VDAC3: variants seen among roughly 807,000 people sequenced by gnomAD.
VDAC3 encodes the protein non-selective voltage-gated ion channel VDAC3.
A neutral mutation model predicts 33.9 loss-of-function variants in VDAC3; 7 were observed. The ratio of observed to expected loss-of-function variants is 0.21; its 90% CI spans 0.12 to 0.39. The LOEUF (loss-of-function observed/expected upper bound fraction) is 0.39. VDAC3 is among the 10% of genes least tolerant of loss of function. The pLI, the probability that VDAC3 is intolerant of heterozygous loss-of-function variation, is 1.00. For synonymous variants in VDAC3, 100 were observed against 122.4 expected, an observed-to-expected ratio of 0.82 and a Z score of 1.21; for missense variants, 261 against 334.5, an observed-to-expected ratio of 0.78 and a Z score of 1.71.
rs758664665 is a variant in VDAC3 at position 42,401,850 on chromosome 8, T to C, written c.386T>C (p.Val129Ala). The stretch of plus-strand genomic sequence containing the variant: ...GATTGTTTTAGTGTTGGCAGTAATG[T>C]TGATATAGATTTTTCTGGACCAACC... ...KRDCFSVGSN[V>A]DIDFSGPTIY... Residue 129 changes from valine (V) to alanine (A), a missense_variant, in exon 7 of 10, where the codon GTT becomes GCT. Coordinates refer to ENST00000022615, the MANE Select transcript of VDAC3 (RefSeq NM_005662.7). 6.2e-6 allele frequency: 10 copies of C among 1,614,196 alleles called. No individual in the cohort carries two copies. In the East Asian group the frequency reaches 2.0e-4, roughly 32 times the overall value.
At position 42,399,727 on chromosome 8, in the gene VDAC3, T is replaced by G. The variant is rs1802383225; in HGVS notation, c.323+24T>G. 2.5e-6 allele frequency: 4 copies of G among 1,609,050 alleles called. No individual in the cohort carries two copies. In the African/African-American group the frequency reaches 5.3e-5, roughly 21 times the overall value. On this transcript the variant is annotated intron_variant, in intron 6 of 9. Coordinates refer to ENST00000022615, the MANE Select transcript of VDAC3 (RefSeq NM_005662.7). ...GGGTAATTATTCAAATCCCATTTCCTGAAACGTTTTTGGAGCCTGAAAGGG... is the reference window on the plus strand; with the variant it reads ...GGGTAATTATTCAAATCCCATTTCCGGAAACGTTTTTGGAGCCTGAAAGGG...
intron 2 of VDAC3, 35 bp from the exon 3 acceptor site, chr8:42,394,175 T>A (rs1802257306): frequency 3.8e-6 from 6 of 1,578,348 alleles, no homozygotes; most frequent in Non-Finnish European, 5.2e-6. Flanking sequence ...ACTAAATGGT[T>A]ATTTTTATTC....
At chr8:42,405,005 GT>G (rs1802475628) in intron 9 of VDAC3, 81 bp downstream of exon 9, 4 of 1,279,828 alleles carry the variant, frequency 3.1e-6, no homozygotes, top group Middle Eastern at 2.0e-4. Flanking sequence ...AGAACAACCT[GT>G]AGTCACTGTA....
Position 42,401,902 on chromosome 8 carries a change from C to G in VDAC3, c.438C>G (p.Phe146Leu), listed in dbSNP as rs771711393. The G allele has an allele frequency of 9.3e-6, 15 of 1,614,076 alleles. No homozygotes were observed. Among genetic ancestry groups the G allele is most frequent in the African/African-American group, 2.7e-5 (2 of 74,922 alleles). The change falls in exon 7 of 10, where the codon TTC (phenylalanine) becomes TTG (leucine). Residue 146 changes from phenylalanine to leucine, a missense_variant. Coordinates refer to ENST00000022615, the MANE Select transcript of VDAC3 (RefSeq NM_005662.7). ...PTIYGWAVLA[F>L]EGWLAGYQMS... ...TCTATGGCTGGGCTGTGTTGGCCTT[C>G]GAAGGGTGGCTTGCTGGCTATCAGA...
chr8:42,396,623 C>A, intron 4 of VDAC3: 1 of 679,944 alleles, frequency 1.5e-6, no homozygotes, highest in South Asian at 1.6e-5. Flanking sequence ...CAAAAATTAT[C>A]AACTAAAATT....
chr8:42,398,949 A>G, intron 5 of VDAC3, 85 bp downstream of exon 5: 1 of 1,497,024 alleles, frequency 6.7e-7, no homozygotes, highest in Non-Finnish European at 9.1e-7. Flanking sequence ...TAATCAAAAG[A>G]GATCTTACAA....
At chr8:42,396,218 A>G (rs1189329611) in intron 4 of VDAC3, among the ~76,000 whole-genome samples, 1 of 152,296 alleles carries the variant, frequency 6.6e-6, no homozygotes, top group East Asian at 1.9e-4. Context: ...AGATCGTGCC[A>G]CTGTACTCCA....
At chr8:42,398,888 T>C in intron 5 of VDAC3, 24 bp downstream of exon 5, 1 of 1,610,072 alleles carries the variant, frequency 6.2e-7, no homozygotes, top group Non-Finnish European at 8.5e-7. Context: ...TTAGAAGTTA[T>C]TCATAGGTTC....
Position 42,395,098 on chromosome 8 carries a change from A to C in VDAC3, c.82A>C (p.Lys28Gln). ...FNKGYGFGMVKIDLKTKSCSG... is the reference protein window; with the variant it reads ...FNKGYGFGMVQIDLKTKSCSG... The stretch of plus-strand genomic sequence containing the variant: ...TGTGTGTATAGGCTTTGGCATGGTC[A>C]AGATAGACCTGAAAACCAAGTCTTG... Residue 28 changes from lysine (K) to glutamine (Q), a missense_variant, in exon 4 of 10, where the codon AAG (lysine) becomes CAG (glutamine). Physicochemically the swap from Lys to Gln is moderately conservative, Grantham distance 53 (BLOSUM62 1). Coordinates refer to ENST00000022615, the MANE Select transcript of VDAC3 (RefSeq NM_005662.7). The C allele has an allele frequency of 2.5e-6, 4 of 1,613,972 alleles. No homozygotes were observed. Among genetic ancestry groups the C allele is most frequent in the Non-Finnish European group, 3.4e-6 (4 of 1,179,968 alleles).
chr8:42,394,114 T>A, intron 2 of VDAC3, 96 bp from the exon 3 acceptor site: 2 of 1,073,148 alleles, frequency 1.9e-6, no homozygotes, highest in South Asian at 2.5e-5. Flanking sequence ...GAGAAAACTG[T>A]ATACCCCTTC....
At position 42,393,946 on chromosome 8, in the gene VDAC3, A is replaced by G. The variant is rs1187402513; in HGVS notation, c.-3+62A>G. 4 of 474,242 alleles carry G rather than the reference A, an allele frequency of 8.4e-6. No individual in the cohort carries two copies. The East Asian group carries it at 9.6e-5, about 11-fold the overall frequency. 29.4% of individuals were successfully genotyped at this position (474,242 alleles called of 1,614,324 possible). On this transcript the variant is annotated intron_variant, in intron 2 of 9. Transcript: ENST00000022615. ...TAACATAGCATCTTTTTCATCCTGT[A>G]AGAACTTACTTTTCTTTGAAATGCA... is the stretch of plus-strand genomic sequence containing the variant.
At position 42,394,982 on chromosome 8, in the gene VDAC3, A is replaced by T. The variant is rs59791694; in HGVS notation, c.68-102A>T. Reference sequence around the variant, plus strand: ...CCAATGAAAATACTATGCATTTTTCATATGGAAGGTACTATAGGCTATTTC... The same window carrying T: ...CCAATGAAAATACTATGCATTTTTCTTATGGAAGGTACTATAGGCTATTTC... On this transcript the variant is annotated intron_variant, in intron 3 of 9. Transcript: ENST00000022615. 10 of 1,327,904 alleles carry T rather than the reference A, an allele frequency of 7.5e-6. No individual in the cohort carries two copies. In the African/African-American group the frequency reaches 1.0e-4, roughly 14 times the overall value. The allele number at this position is 1,327,904 out of a possible 1,614,324, so 82.3% of individuals were successfully genotyped here.
intron 8 of VDAC3, 94 bp downstream of exon 8, chr8:42,403,555 T>G (rs1397727813): frequency 5.4e-6 from 7 of 1,298,456 alleles, no homozygotes; most frequent in Admixed American, 2.5e-5. Flanking sequence ...TTGTTCTTTA[T>G]TAATTTTAAT....
Position 42,394,176 on chromosome 8 carries a change from A to G in VDAC3, c.-2-34A>G, listed in dbSNP as rs749375229. ...GTGGGTGAATAAATACTAAATGGTT[A>G]TTTTTATTCCTTTGCCCTGTTTTTC... On this transcript the variant is annotated intron_variant, in intron 2 of 9. Coordinates refer to ENST00000022615, the MANE Select transcript of VDAC3 (RefSeq NM_005662.7). 7 of 1,581,260 alleles carry G rather than the reference A, an allele frequency of 4.4e-6. No homozygotes were observed. The Admixed American group carries it at 5.0e-5, about 11-fold the overall frequency.
intron 4 of VDAC3, among the ~76,000 whole-genome samples, chr8:42,397,882 A>C (rs989886745): frequency 1.7e-4 from 26 of 152,350 alleles, no homozygotes; most frequent in Middle Eastern, 3.4e-3. Context: ...GACTGTACTT[A>C]ATGCCACTTC....
chr8:42,404,998 A>C, intron 9 of VDAC3, 74 bp downstream of exon 9: 5 of 1,360,178 alleles, frequency 3.7e-6, no homozygotes, highest in African/African-American at 1.4e-5. Context: ...AACCTGCAGA[A>C]CAACCTGTAG....
rs180910295 is a variant in VDAC3 at position 42,403,285 on chromosome 8, T to A, written c.552-26T>A. ...AACAATGGTACAAACTAGATATTTATGACGTTTTCTTATCTATGAAAACAG... is the reference window on the plus strand; with the variant it reads ...AACAATGGTACAAACTAGATATTTAAGACGTTTTCTTATCTATGAAAACAG... On this transcript the variant is annotated intron_variant, in intron 7 of 9. Coordinates refer to ENST00000022615, the MANE Select transcript of VDAC3 (RefSeq NM_005662.7). 260 of 1,613,010 alleles carry A rather than the reference T, an allele frequency of 1.6e-4. 1 individual carries two copies. The African/African-American group carries it at 3.1e-3, about 19-fold the overall frequency.
chr8:42,405,816 T>C lies in VDAC3; in HGVS notation c.*354T>C, dbSNP rs528711219. 126 of 194,424 alleles carry C rather than the reference T, an allele frequency of 6.5e-4. No homozygotes were observed. Among genetic ancestry groups the C allele is most frequent in the Non-Finnish European group, 1.1e-3 (103 of 94,990 alleles). The allele number at this position is 194,424 out of a possible 1,614,324, so 12.0% of individuals were successfully genotyped here. A position where few individuals can be genotyped will look rare whatever the true frequency, so the allele number is the denominator to read the frequency against. ...ACACCATTTTTTCATGACCTTGTAATATACTGGTCTCTGTGCTATAGTGGA... is the reference window on the plus strand; with the variant it reads ...ACACCATTTTTTCATGACCTTGTAACATACTGGTCTCTGTGCTATAGTGGA... On this transcript the variant is annotated 3_prime_UTR_variant, in exon 10 of 10. Transcript: ENST00000022615.
intron 8 of VDAC3, 124 bp from the exon 9 acceptor site, chr8:42,404,741 AAT>A: frequency 7.5e-6 from 5 of 665,018 alleles, no homozygotes; most frequent in Admixed American, 3.6e-5. Context: ...AAAAAAAAAA[AAT>A]CAGTAATTCT....
Sources: allele counts gnomAD v4.1 joint callset (sites outside exome capture counted in the v4.1 genomes callset), GRCh38; gene constraint gnomAD v4.1.1; transcripts MANE v1.5; gene names NCBI Gene and HGNC (gene_info 2026-07-23, HGNC 2026-07-21).